The following SLC25A21 variants were observed in gnomAD, a reference collection of about 807,000 sequenced individuals.
The protein encoded by SLC25A21 is solute carrier family 25 member 21.
Under a neutral mutation model 43.8 loss-of-function variants are expected in SLC25A21, and 47 were observed. The ratio of observed to expected loss-of-function variants is 1.07; its 90% CI spans 0.85 to 1.37. The LOEUF (loss-of-function observed/expected upper bound fraction) is 1.37. SLC25A21 is among the 40% of genes most tolerant of loss of function. The pLI is 0.00. For missense variants in SLC25A21, 352 were observed against 350.2 expected (o/e 1.00, Z -0.04); for synonymous variants, 131 against 121.3 (o/e 1.08, Z -0.52).
intron 7 of SLC25A21, among the ~76,000 whole-genome samples, chr14:36,699,277 T>C (rs1883175184): frequency 6.6e-6 from 1 of 152,102 alleles, no homozygotes; most frequent in Non-Finnish European, 1.5e-5. Flanking sequence ...ACAGCAAATA[T>C]TGCAGAACAG....
intron 3 of SLC25A21, among the ~76,000 whole-genome samples, chr14:36,743,613 AGAACAAGACAAG>A (rs940710750): frequency 1.6e-4 from 24 of 152,288 alleles, no homozygotes; most frequent in Non-Finnish European, 3.4e-4. Flanking sequence ...ATTTCCCCTA[AGAACAAGACAAG>A]GAACAAGACA....
At chr14:36,741,356 G>A (rs538256335) in intron 3 of SLC25A21, among the ~76,000 whole-genome samples, 2 of 152,284 alleles carry the variant, frequency 1.3e-5, no homozygotes, top group African/African-American at 4.8e-5. Flanking sequence ...CTTTTAGAAA[G>A]AGTCAACCTT....
At chr14:37,021,803 C>T (rs1960992063) in intron 1 of SLC25A21, among the ~76,000 whole-genome samples, 1 of 151,856 alleles carries the variant, frequency 6.6e-6, no homozygotes, top group Non-Finnish European at 1.5e-5. Flanking sequence ...TGATGTAGAA[C>T]AGGGGAGTTC....
At chr14:36,994,660 G>A (rs1188524474) in intron 1 of SLC25A21, among the ~76,000 whole-genome samples, 2 of 152,044 alleles carry the variant, frequency 1.3e-5, no homozygotes, top group African/African-American at 2.4e-5. Context: ...AGAGGCCAGC[G>A]ATATTGCGTA....
rs116387486 is a variant in SLC25A21, at chr14:36,683,096, A to C, written c.838+732T>G. Among the ~76,000 whole-genome samples, 698 of 152,330 alleles carry C rather than the reference A, an allele frequency of 4.6e-3. 1 individual carries two copies. The highest frequency in any genetic ancestry group is 0.016 in the African/African-American group (652 of 41,582). ...GTGAGTGTAGCCTGATAAAAAAAAT[A>C]TATGTGTGGTCTAGAGTATACTTTT... On this transcript the variant is annotated intron_variant, in intron 9 of 9. Coordinates refer to ENST00000331299, the MANE Select transcript of SLC25A21 (RefSeq NM_030631.4).
At chr14:37,123,655 T>C (rs1246604744) in intron 1 of SLC25A21, among the ~76,000 whole-genome samples, 1 of 152,166 alleles carries the variant, frequency 6.6e-6, no homozygotes, top group Non-Finnish European at 1.5e-5. Context: ...TAGAATATAA[T>C]ATAAAAATAT....
intron 1 of SLC25A21, among the ~76,000 whole-genome samples, chr14:37,023,826 G>A (rs1448980959): frequency 1.3e-5 from 2 of 151,726 alleles, no homozygotes; most frequent in South Asian, 2.1e-4. Flanking sequence ...ACCGAGAATG[G>A]AGCACTCACC....
intron 1 of SLC25A21, among the ~76,000 whole-genome samples, chr14:36,923,445 C>A (rs947945274): frequency 6.6e-6 from 1 of 151,956 alleles, no homozygotes; most frequent in Admixed American, 6.6e-5. Context: ...AGTCCTACAA[C>A]CAGAAGAAAA....
intron 1 of SLC25A21, among the ~76,000 whole-genome samples, chr14:37,167,360 TG>T (rs1435006441): frequency 6.6e-6 from 1 of 152,186 alleles, no homozygotes; most frequent in Non-Finnish European, 1.5e-5. Flanking sequence ...GATTCCGATA[TG>T]GTAGTGAAAC....
chr14:37,071,157 T>C (rs1416329611), intron 1 of SLC25A21, among the ~76,000 whole-genome samples: 2 of 152,226 alleles, frequency 1.3e-5, no homozygotes, highest in Non-Finnish European at 2.9e-5. Flanking sequence ...GCATTAATCC[T>C]CTGGAAAGCT....
intron 1 of SLC25A21, among the ~76,000 whole-genome samples, chr14:37,097,340 A>C (rs1002325578): frequency 2.6e-5 from 4 of 152,176 alleles, no homozygotes; most frequent in Middle Eastern, 3.4e-3. Context: ...AGCTCAAGCT[A>C]TCTGCTCACC....
chr14:37,095,325 C>T (rs1222484602), intron 1 of SLC25A21, among the ~76,000 whole-genome samples: 2 of 152,060 alleles, frequency 1.3e-5, no homozygotes, highest in Non-Finnish European at 2.9e-5. Context: ...CGAGACCAGC[C>T]TGGCCAACAT....
chr14:37,021,944 T>C (rs1671155357), intron 1 of SLC25A21, among the ~76,000 whole-genome samples: 1 of 151,874 alleles, frequency 6.6e-6, no homozygotes, highest in African/African-American at 2.4e-5. Context: ...TCCTTGGAGA[T>C]AAGATATTTA....
intron 1 of SLC25A21, among the ~76,000 whole-genome samples, chr14:37,026,962 AC>A (rs1961105797): frequency 6.6e-6 from 1 of 152,142 alleles, no homozygotes; most frequent in Admixed American, 6.5e-5. Context: ...AGGAGAAAAA[AC>A]GGTGCTAACA....
At chr14:36,898,212 C>T (rs1044223355) in intron 1 of SLC25A21, among the ~76,000 whole-genome samples, 3 of 152,272 alleles carry the variant, frequency 2.0e-5, no homozygotes, top group African/African-American at 7.2e-5. Flanking sequence ...TCTTTGTTTA[C>T]CCACTCAAGC....
chr14:36,698,876 A>C (rs1020063988), intron 7 of SLC25A21, among the ~76,000 whole-genome samples: 3 of 152,146 alleles, frequency 2.0e-5, no homozygotes, highest in African/African-American at 7.2e-5. Context: ...CGTTTAGCTC[A>C]GAGAAGTTTG....
intron 1 of SLC25A21, among the ~76,000 whole-genome samples, chr14:36,997,820 A>C (rs1173155429): frequency 1.3e-5 from 1 of 77,422 alleles, no homozygotes; most frequent in Non-Finnish European, 3.1e-5. Flanking sequence ...ACTCTGTCTC[A>C]AAAAAAAAAA....
intron 3 of SLC25A21, among the ~76,000 whole-genome samples, chr14:36,769,349 C>T (rs775589519): frequency 7.9e-5 from 12 of 152,244 alleles, no homozygotes; most frequent in South Asian, 2.1e-4. Context: ...AATATTCTCA[C>T]GAATGGAAGA....
chr14:36,737,715 T>C (rs946243002), intron 3 of SLC25A21, among the ~76,000 whole-genome samples: 6 of 152,232 alleles, frequency 3.9e-5, no homozygotes, highest in African/African-American at 1.2e-4. Context: ...AGTCTTGCTC[T>C]GCTTGGTGAA....
Sources: gnomAD v4.1 joint callset for allele counts (sites outside exome capture counted in the v4.1 genomes callset) on GRCh38, gnomAD v4.1.1 for gene constraint, MANE v1.5 for transcripts, NCBI Gene and HGNC (gene_info 2026-07-23, HGNC 2026-07-21) for gene names.